Variants in STXBP5L observed in about 807,000 individuals in gnomAD.
STXBP5L encodes the protein syntaxin-binding protein 5-like.
Under a neutral mutation model 144.5 loss-of-function variants are expected in STXBP5L, and 65 were observed. The observed-to-expected ratio is 0.45, with a 90% confidence interval of 0.37 to 0.55. STXBP5L has a LOEUF of 0.55. Ranked by LOEUF, STXBP5L falls within the 20% of genes least tolerant of loss-of-function variation. STXBP5L has a pLI of 0.00. For synonymous variants in STXBP5L, 505 were observed against 469.6 expected (o/e 1.08, Z -0.97); for missense variants, 1,298 against 1,405.5 (o/e 0.92, Z 1.22).
chr3:121,112,429 G>A (rs1433022659), intron 5 of STXBP5L, among the ~76,000 whole-genome samples: 2 of 152,126 alleles, frequency 1.3e-5, no homozygotes, highest in African/African-American at 4.8e-5. Flanking sequence ...GTGGGCCGTT[G>A]CTCCACTCTG....
chr3:120,945,559 T>C (rs1462145236), intron 2 of STXBP5L, among the ~76,000 whole-genome samples: 1 of 151,824 alleles, frequency 6.6e-6, no homozygotes, highest in Non-Finnish European at 1.5e-5. Context: ...ATGAAAAATA[T>C]GTCCAAATAT....
intron 5 of STXBP5L, among the ~76,000 whole-genome samples, chr3:121,094,467 G>T (rs2043004579): frequency 6.6e-6 from 1 of 152,014 alleles, no homozygotes; most frequent in African/African-American, 2.4e-5. Context: ...TGTATTGGGT[G>T]CATATATATT....
chr3:121,352,015 A>G (rs1182642516), intron 20 of STXBP5L, among the ~76,000 whole-genome samples: 1 of 152,032 alleles, frequency 6.6e-6, no homozygotes, highest in Non-Finnish European at 1.5e-5. Flanking sequence ...GTTATTTCTG[A>G]GGGCTCTATT....
intron 18 of STXBP5L, among the ~76,000 whole-genome samples, chr3:121,265,151 C>A (rs570931440): frequency 1.3e-5 from 2 of 152,148 alleles, no homozygotes; most frequent in African/African-American, 2.4e-5. Flanking sequence ...AACTCTCCAC[C>A]CCACATCAAT....
intron 11 of STXBP5L, among the ~76,000 whole-genome samples, chr3:121,225,781 G>A (rs555177541): frequency 6.6e-6 from 1 of 152,330 alleles, no homozygotes; most frequent in Admixed American, 6.5e-5. Context: ...AGGACTAGAG[G>A]TGGTAAGCAC....
At chr3:121,412,637 CATTAGT>C (rs2047138261) in intron 23 of STXBP5L, among the ~76,000 whole-genome samples, 2 of 134,298 alleles carry the variant, frequency 1.5e-5, no homozygotes, top group South Asian at 4.7e-4. Flanking sequence ...GGTTTATTGA[CATTAGT>C]ATTTCTGATA....
intron 20 of STXBP5L, among the ~76,000 whole-genome samples, chr3:121,329,752 C>A (rs907082326): frequency 6.6e-6 from 1 of 151,860 alleles, no homozygotes; most frequent in Non-Finnish European, 1.5e-5. Context: ...TCCACCTACA[C>A]GGGAGGCTGA....
At chr3:121,094,107 T>C (rs1013785912) in intron 5 of STXBP5L, among the ~76,000 whole-genome samples, 2 of 152,200 alleles carry the variant, frequency 1.3e-5, no homozygotes, top group African/African-American at 4.8e-5. Context: ...AATCCTGAGT[T>C]CTAGTTTGAT....
intron 5 of STXBP5L, among the ~76,000 whole-genome samples, chr3:121,067,161 A>G (rs2041589270): frequency 6.6e-6 from 1 of 151,714 alleles, no homozygotes; most frequent in African/African-American, 2.4e-5. Context: ...GTATTTTTCT[A>G]GTTTACTGAT....
chr3:121,127,241 C>T lies in STXBP5L; in HGVS notation c.669+5537C>T, dbSNP rs186093962. 6.3e-4 allele frequency among the ~76,000 whole-genome samples: 96 copies of T among 152,164 alleles called. No individual in the cohort carries two copies. The East Asian group carries it at 0.011, about 18-fold the overall frequency. ...GACCAAATACATAACTTTGATAGGT[C>T]TCATTTGTTAAAGTCAGAGCCCTGA... On this transcript the variant is annotated intron_variant, in intron 7 of 26. Coordinates refer to ENST00000471454, the MANE Select transcript of STXBP5L (RefSeq NM_001308330.2).
chr3:121,051,719 C>A (rs1310309034), intron 5 of STXBP5L, among the ~76,000 whole-genome samples: 1 of 151,782 alleles, frequency 6.6e-6, no homozygotes, highest in African/African-American at 2.4e-5. Flanking sequence ...TAGCAGAAGG[C>A]AAGAAATAAC....
chr3:121,266,640 G>C (rs2050576366), intron 18 of STXBP5L, among the ~76,000 whole-genome samples: 1 of 152,180 alleles, frequency 6.6e-6, no homozygotes, highest in Non-Finnish European at 1.5e-5. Context: ...AATCAGGCAA[G>C]AGAAAGAAAT....
chr3:121,307,116 CT>C (rs1430920350), intron 19 of STXBP5L, among the ~76,000 whole-genome samples: 5 of 152,058 alleles, frequency 3.3e-5, no homozygotes, highest in African/African-American at 1.2e-4. Flanking sequence ...GGAAATAAAC[CT>C]CATGAAAATA....
intron 2 of STXBP5L, among the ~76,000 whole-genome samples, chr3:120,944,815 C>T (rs1446975789): frequency 2.6e-5 from 4 of 151,728 alleles, no homozygotes; most frequent in Non-Finnish European, 5.9e-5. Flanking sequence ...AGACCTTTTA[C>T]TTAGTCTTTT....
chr3:121,106,186 G>C (rs1265739128), intron 5 of STXBP5L, among the ~76,000 whole-genome samples: 2 of 151,942 alleles, frequency 1.3e-5, no homozygotes, highest in Non-Finnish European at 2.9e-5. Flanking sequence ...TGTCTCTCCT[G>C]TTAGATAGTA....
intron 3 of STXBP5L, among the ~76,000 whole-genome samples, chr3:120,966,968 C>T (rs189940254): frequency 1.9e-4 from 29 of 152,252 alleles, no homozygotes; most frequent in Admixed American, 1.9e-3. Context: ...TTCTAGCTTC[C>T]TGGTTGCTTT....
intron 3 of STXBP5L, among the ~76,000 whole-genome samples, chr3:120,992,449 C>G (rs1370743896): frequency 6.6e-6 from 1 of 152,038 alleles, no homozygotes; most frequent in Non-Finnish European, 1.5e-5. Flanking sequence ...TCTTGTCCTT[C>G]CCCCATGCAG....
chr3:121,222,107 A>T (rs185408940), intron 10 of STXBP5L, among the ~76,000 whole-genome samples: 77 of 152,214 alleles, frequency 5.1e-4, no homozygotes, highest in Non-Finnish European at 1.5e-5. Context: ...TCTTTAAAAA[A>T]ATTAGAAAAG....
intron 3 of STXBP5L, among the ~76,000 whole-genome samples, chr3:120,958,953 G>A (rs1022829885): frequency 7.9e-5 from 12 of 152,166 alleles, no homozygotes; most frequent in African/African-American, 2.9e-4. Flanking sequence ...TAGGAAAAGA[G>A]GAATTCAAAT....
Sources: gnomAD v4.1 joint callset for allele counts (sites outside exome capture counted in the v4.1 genomes callset) on GRCh38, gnomAD v4.1.1 for gene constraint, MANE v1.5 for transcripts, NCBI Gene and HGNC (gene_info 2026-07-23, HGNC 2026-07-21) for gene names.